The following BEND6 variants were observed in gnomAD, a reference collection of about 807,000 sequenced individuals.
BEND6 encodes BEN domain-containing protein 6.
A neutral mutation model predicts 31.8 loss-of-function variants in BEND6; 24 were observed. That is an observed-to-expected ratio of 0.75 (90% CI 0.55 to 1.06). The LOEUF is 1.06. Among genes scored for constraint, BEND6 ranks in the 50% least tolerant of loss-of-function variants. The probability of loss-of-function intolerance (pLI) is 0.00; values close to 1 mark genes in which losing one functional copy is unlikely to be tolerated. For missense variants in BEND6, 294 were observed against 327.4 expected (o/e 0.90, Z 0.79); for synonymous variants, 109 against 114.6 (o/e 0.95, Z 0.31).
intron 4 of BEND6, among the ~76,000 whole-genome samples, chr6:57,015,662 G>A (rs943548024): frequency 6.6e-5 from 10 of 151,508 alleles, no homozygotes; most frequent in Non-Finnish European, 1.2e-4. Flanking sequence ...AAAATTAACC[G>A]GACGTGATGA....
chr6:57,011,952 C>T (rs1038623688), intron 3 of BEND6, among the ~76,000 whole-genome samples: 2 of 151,870 alleles, frequency 1.3e-5, no homozygotes, highest in Admixed American at 1.3e-4. Context: ...ATGGTGAAAG[C>T]CCATTTCTAC....
rs1593013209 is a variant in BEND6 at position 57,004,407 on chromosome 6, A to G, written c.299-10726A>G. On this transcript the variant is annotated intron_variant, in intron 3 of 6. Coordinates refer to ENST00000370746, the MANE Select transcript of BEND6 (RefSeq NM_152731.3). ...CCTGCTTCAACAGTGCTTGGACAGA[A>G]CCCAGCCCTCATCCCCCCACCCCAG... 3 of 550,626 alleles carry G rather than the reference A, an allele frequency of 5.4e-6. No individual in the cohort carries two copies. The South Asian group carries it at 5.5e-5, about 10-fold the overall frequency. 34.1% of individuals were successfully genotyped at this position (550,626 alleles called of 1,614,324 possible). A position where few individuals can be genotyped will look rare whatever the true frequency, so the allele number is the denominator to read the frequency against.
chr6:57,005,675 A>G (rs13203479), intron 3 of BEND6, among the ~76,000 whole-genome samples: 17,787 of 150,774 alleles, frequency 0.12, 1,355 homozygotes, highest in Middle Eastern at 0.19. Context: ...GCGAGACTCC[A>G]TTAAAAAAAA....
At chr6:57,003,806 A>G (rs920120021) in intron 3 of BEND6, among the ~76,000 whole-genome samples, 2 of 152,186 alleles carry the variant, frequency 1.3e-5, no homozygotes, top group African/African-American at 4.8e-5. Context: ...TTCAAATCAA[A>G]CAGCACATCA....
At chr6:56,968,094 AC>A (rs1314006619) in intron 1 of BEND6, among the ~76,000 whole-genome samples, 1 of 152,178 alleles carries the variant, frequency 6.6e-6, no homozygotes, top group Non-Finnish European at 1.5e-5. Context: ...AGTATAGGGA[AC>A]TAAATTAATT....
At chr6:56,978,571 A>T (rs924154333) in intron 1 of BEND6, among the ~76,000 whole-genome samples, 1 of 152,180 alleles carries the variant, frequency 6.6e-6, no homozygotes, top group Non-Finnish European at 1.5e-5. Context: ...CAATTTCTGA[A>T]AATATCATTT....
intron 6 of BEND6, among the ~76,000 whole-genome samples, chr6:57,022,164 C>CTTTTT (rs57185788): frequency 1.4e-4 from 16 of 111,184 alleles, no homozygotes; most frequent in Non-Finnish European, 2.0e-4. Context: ...TTTTCTTTTT[C>CTTTTT]TTTTTTTTTT....
intron 6 of BEND6, among the ~76,000 whole-genome samples, chr6:57,023,363 A>G (rs1159557498): frequency 2.0e-5 from 3 of 152,150 alleles, no homozygotes; most frequent in Non-Finnish European, 4.4e-5. Flanking sequence ...TGACTTCCTT[A>G]TTATTATAAG....
intron 2 of BEND6, among the ~76,000 whole-genome samples, chr6:56,982,603 C>T (rs1456890865): frequency 1.3e-5 from 2 of 151,992 alleles, no homozygotes; most frequent in African/African-American, 2.4e-5. Context: ...CATATAATTG[C>T]ATATGTCTCT....
At chr6:57,018,335 G>T in intron 5 of BEND6, 86 bp from the exon 6 acceptor site, 1 of 1,389,350 alleles carries the variant, frequency 7.2e-7, no homozygotes, top group South Asian at 1.5e-5. Flanking sequence ...TTATAATGTA[G>T]AATACTTGAT....
intron 1 of BEND6, among the ~76,000 whole-genome samples, chr6:56,957,024 C>G (rs1825107735): frequency 6.6e-6 from 1 of 152,188 alleles, no homozygotes; most frequent in Admixed American, 6.5e-5. Context: ...TGTAAGTGAG[C>G]TGAAATAGCC....
At chr6:56,981,605 A>C in intron 1 of BEND6, 106 bp from the exon 2 acceptor site, 1 of 411,420 alleles carries the variant, frequency 2.4e-6, no homozygotes, top group Non-Finnish European at 4.3e-6. Context: ...AGTGGAAGAA[A>C]GAATAGGAAA....
intron 5 of BEND6, among the ~76,000 whole-genome samples, 187 bp downstream of exon 5, chr6:57,017,586 G>C (rs1827607712): frequency 6.6e-6 from 1 of 151,978 alleles, no homozygotes; most frequent in Non-Finnish European, 1.5e-5. Flanking sequence ...ATTAACAATG[G>C]TTATTAAAAT....
At chr6:57,010,852 A>G (rs908316781) in intron 3 of BEND6, 57 of 729,156 alleles carry the variant, frequency 7.8e-5, no homozygotes, top group Non-Finnish European at 9.6e-5. Flanking sequence ...ATGAAAATTT[A>G]AATTATGTGT....
intron 2 of BEND6, among the ~76,000 whole-genome samples, chr6:56,984,051 T>C (rs1207090261): frequency 6.6e-6 from 1 of 152,048 alleles, no homozygotes; most frequent in Non-Finnish European, 1.5e-5. Context: ...AGACCCTCTC[T>C]CTACCAAAAA....
intron 3 of BEND6, among the ~76,000 whole-genome samples, chr6:57,006,397 C>A (rs1653170922): frequency 6.6e-6 from 1 of 152,156 alleles, no homozygotes; most frequent in South Asian, 2.1e-4. Context: ...ATGTTTTGAA[C>A]AATGAGCCCT....
At chr6:56,973,384 C>A (rs1185966012) in intron 1 of BEND6, among the ~76,000 whole-genome samples, 1 of 152,170 alleles carries the variant, frequency 6.6e-6, no homozygotes, top group Non-Finnish European at 1.5e-5. Flanking sequence ...AAGATGCATT[C>A]TAAGACCCCA....
intron 1 of BEND6, among the ~76,000 whole-genome samples, chr6:56,957,621 C>T (rs1248530052): frequency 6.6e-6 from 1 of 152,052 alleles, no homozygotes; most frequent in Admixed American, 6.6e-5. Flanking sequence ...ATAAAAGTCA[C>T]ACACAAAAAA....
intron 3 of BEND6, among the ~76,000 whole-genome samples, chr6:57,003,613 G>T (rs1360481438): frequency 1.3e-5 from 2 of 152,076 alleles, no homozygotes; most frequent in Non-Finnish European, 2.9e-5. Flanking sequence ...GCAAAGAGCT[G>T]CTACCAATTC....
Sources: gnomAD v4.1 joint callset for allele counts (sites outside exome capture counted in the v4.1 genomes callset) on GRCh38, gnomAD v4.1.1 for gene constraint, MANE v1.5 for transcripts, NCBI Gene and HGNC (gene_info 2026-07-23, HGNC 2026-07-21) for gene names.